The following SORCS3 variants were observed in gnomAD, a reference collection of about 807,000 sequenced individuals.
SORCS3 encodes the protein sortilin related VPS10 domain containing receptor 3.
In SORCS3, 57 loss-of-function variants were observed where a neutral mutation model predicts 146.3. The observed-to-expected ratio is 0.39, with a 90% CI of 0.31 to 0.49. The LOEUF (loss-of-function observed/expected upper bound fraction) is 0.49, where lower values mean the gene tolerates loss of function less well. Ranked by LOEUF, SORCS3 falls within the 20% of genes least tolerant of loss-of-function variation. The pLI, the probability that SORCS3 is intolerant of heterozygous loss-of-function variation, is 0.92. For missense variants in SORCS3, 1,341 were observed against 1,575.5 expected (o/e 0.85, Z 2.52); for synonymous variants, 653 against 618.5 (o/e 1.06, Z -0.83).
At position 105,147,738 on chromosome 10, in the gene SORCS3, T is replaced by A; in HGVS notation, c.1424T>A (p.Met475Lys). 2 of 1,613,136 alleles carry A rather than the reference T, an allele frequency of 1.2e-6. No individual in the cohort carries two copies. The highest frequency in any genetic ancestry group is 1.7e-6 in the Non-Finnish European group (2 of 1,179,324). ...CGTGGGATTTACTTCACTCTGGCCATGGAGAACATCAAGAGCAGCAGAGGT... is the reference window on the plus strand; with the variant it reads ...CGTGGGATTTACTTCACTCTGGCCAAGGAGAACATCAAGAGCAGCAGAGGT... ...DTRGIYFTLA[M>K]ENIKSSRGLM... The change falls in exon 9 of 27, where the codon ATG becomes AAG. Residue 475 changes from methionine (M) to lysine (K), a missense_variant. By Grantham distance (95) the Met-to-Lys change is moderately conservative (BLOSUM62 -1). Coordinates refer to ENST00000369701, the MANE Select transcript of SORCS3 (RefSeq NM_014978.3).
chr10:105,178,206 A>G (rs1199598590), intron 14 of SORCS3, 33 bp downstream of exon 14: 2 of 1,517,118 alleles, frequency 1.3e-6, no homozygotes, highest in Non-Finnish European at 1.8e-6. Context: ...CAGGAAGAAG[A>G]CCAGAGACAC....
intron 1 of SORCS3, among the ~76,000 whole-genome samples, chr10:104,798,265 C>A (rs1372318617): frequency 6.6e-6 from 1 of 152,070 alleles, no homozygotes; most frequent in African/African-American, 2.4e-5. Context: ...GGCTTGTTAC[C>A]AATGAGCCTT....
chr10:105,164,406 A>G, intron 12 of SORCS3, 27 bp downstream of exon 12: 2 of 1,505,872 alleles, frequency 1.3e-6, no homozygotes, highest in Non-Finnish European at 1.8e-6. Flanking sequence ...ACAAAAAGGG[A>G]GGAGGCATTT....
chr10:105,262,272 G>A (rs2119776593), intron 25 of SORCS3, 59 bp from the exon 26 acceptor site: 3 of 1,533,394 alleles, frequency 2.0e-6, no homozygotes, highest in South Asian at 2.3e-5. Context: ...AGGATTTCCA[G>A]CTGCCCAAGT....
chr10:105,016,546 C>T (rs2055169028), intron 4 of SORCS3, among the ~76,000 whole-genome samples: 1 of 152,022 alleles, frequency 6.6e-6, no homozygotes, highest in African/African-American at 2.4e-5. Flanking sequence ...GGCTCAGCAC[C>T]ATGTCTGTAG....
chr10:105,165,004 G>C (rs897586618), intron 12 of SORCS3, among the ~76,000 whole-genome samples: 2 of 152,168 alleles, frequency 1.3e-5, no homozygotes, highest in African/African-American at 4.8e-5. Flanking sequence ...TGTCCATGCA[G>C]CTATGGAGCA....
In SORCS3 at chr10:105,080,446, T is replaced by A. The variant is rs184511281; in HGVS notation, c.1029-9329T>A. Among the ~76,000 whole-genome samples the A allele has an allele frequency of 5.9e-5, 9 of 152,334 alleles. No homozygotes were observed. The East Asian group carries it at 1.4e-3, about 23-fold the overall frequency. ...AAGTTCCTTGTAGATGCTGGACTTT[T>A]GTCAGATGCATAGTTTGCAAATATT... On this transcript the variant is annotated intron_variant, in intron 5 of 26. Coordinates refer to ENST00000369701, the MANE Select transcript of SORCS3 (RefSeq NM_014978.3).
chr10:104,961,851 A>G (rs913238519), intron 3 of SORCS3, among the ~76,000 whole-genome samples: 18 of 152,150 alleles, frequency 1.2e-4, no homozygotes, highest in Non-Finnish European at 4.4e-5. Context: ...ACCTTCACTC[A>G]GTCATGCATC....
intron 14 of SORCS3, among the ~76,000 whole-genome samples, chr10:105,185,763 C>T (rs1215568228): frequency 2.0e-5 from 3 of 151,902 alleles, no homozygotes; most frequent in East Asian, 1.9e-4. Flanking sequence ...CATTATTGTC[C>T]ATCTCAGACT....
At chr10:105,095,988 T>G (rs558124117) in intron 6 of SORCS3, among the ~76,000 whole-genome samples, 1 of 152,082 alleles carries the variant, frequency 6.6e-6, no homozygotes, top group African/African-American at 2.4e-5. Context: ...ATATAGAAAT[T>G]TGTGCTTTTC....
intron 4 of SORCS3, among the ~76,000 whole-genome samples, chr10:105,039,243 G>A (rs1353539376): frequency 7.2e-5 from 11 of 152,174 alleles, no homozygotes; most frequent in Non-Finnish European, 7.4e-5. Context: ...ACTTACTGCA[G>A]ATTGAGAGAC....
At chr10:105,058,119 G>A (rs1212891103) in intron 5 of SORCS3, among the ~76,000 whole-genome samples, 1 of 152,196 alleles carries the variant, frequency 6.6e-6, no homozygotes, top group Non-Finnish European at 1.5e-5. Context: ...GCACAATGGA[G>A]GCAGAGAGAG....
chr10:105,230,916 T>C (rs2056762091), intron 20 of SORCS3, among the ~76,000 whole-genome samples: 2 of 152,170 alleles, frequency 1.3e-5, no homozygotes, highest in African/African-American at 4.8e-5. Flanking sequence ...TATTGCAGTC[T>C]CCAGGGAGCT....
chr10:104,679,562 CT>C (rs1367975279), intron 1 of SORCS3, among the ~76,000 whole-genome samples: 3 of 152,224 alleles, frequency 2.0e-5, no homozygotes, highest in African/African-American at 7.2e-5. Flanking sequence ...ACCAAATCTA[CT>C]TTTTCTTCAT....
chr10:105,034,342 GAGACTAGAGAGTTCAT>G (rs2055291465), intron 4 of SORCS3, among the ~76,000 whole-genome samples: 3 of 152,148 alleles, frequency 2.0e-5, no homozygotes, highest in Admixed American at 1.3e-4. Flanking sequence ...CAAAAGCCCT[GAGACTAGAGAGTTCAT>G]GGCATGTTTG....
At position 104,641,318 on chromosome 10, in the gene SORCS3, C is replaced by G. The variant is rs2015410612; in HGVS notation, c.-10C>G. 5 of 1,296,058 alleles carry G rather than the reference C, an allele frequency of 3.9e-6. No individual in the cohort carries two copies. Among genetic ancestry groups the G allele is most frequent in the Non-Finnish European group, 4.9e-6 (5 of 1,025,754 alleles). 80.3% of individuals were successfully genotyped at this position (1,296,058 alleles called of 1,614,324 possible). ...CACTCGGCAGCCCGAGCCGCGGTAG[C>G]CGCAGCGGGATGGAGGCGGCGCGCA... On this transcript the variant is annotated 5_prime_UTR_variant, in exon 1 of 27. Transcript: ENST00000369701. This position sits in a 1 kb window ranked among gnomAD's most constrained non-coding sequence, Gnocchi z 6.4.
intron 1 of SORCS3, among the ~76,000 whole-genome samples, chr10:104,664,457 G>A (rs34322995): frequency 0.12 from 18,555 of 152,108 alleles, 1,145 homozygotes; most frequent in Non-Finnish European, 0.15. Flanking sequence ...ACCATTCTTC[G>A]TTTTTACAGA....
intron 4 of SORCS3, among the ~76,000 whole-genome samples, chr10:104,992,179 A>C (rs975224176): frequency 3.3e-5 from 5 of 152,086 alleles, no homozygotes; most frequent in African/African-American, 9.7e-5. Context: ...TCTGAGATGG[A>C]AACCAGATCC....
chr10:104,722,035 G>A (rs561338874), intron 1 of SORCS3, among the ~76,000 whole-genome samples: 2,079 of 152,114 alleles, frequency 0.014, 39 homozygotes, highest in African/African-American at 0.041. Flanking sequence ...GTGATGAGAG[G>A]GGGCATCCCT....
Sources: gnomAD v4.1 joint callset for allele counts (sites outside exome capture counted in the v4.1 genomes callset) on GRCh38, gnomAD v4.1.1 for gene constraint, Gnocchi (gnomAD v3.1) non-coding constraint, MANE v1.5 for transcripts, NCBI Gene and HGNC (gene_info 2026-07-23, HGNC 2026-07-21) for gene names.